Variants in PTPRA observed in about 807,000 individuals in gnomAD.
The protein encoded by PTPRA is receptor-type tyrosine-protein phosphatase alpha.
A neutral mutation model predicts 104.8 loss-of-function variants in PTPRA; 25 were observed. The observed-to-expected ratio is 0.24, with a 90% CI of 0.17 to 0.33. The LOEUF (loss-of-function observed/expected upper bound fraction) is 0.33, where lower values mean the gene tolerates loss of function less well. PTPRA is among the 10% of genes least tolerant of loss of function. The pLI, the probability that PTPRA is intolerant of heterozygous loss-of-function variation, is 1.00. For synonymous variants in PTPRA, 323 were observed against 368.9 expected (o/e 0.88, Z 1.43); for missense variants, 765 against 1,015.3 (o/e 0.75, Z 3.35).
intron 2 of PTPRA, among the ~76,000 whole-genome samples, chr20:2,940,037 G>C (rs998844000): frequency 2.6e-5 from 4 of 152,262 alleles, no homozygotes; most frequent in African/African-American, 9.6e-5. Context: ...TTGAACCCAG[G>C]AGGTGGAGGT....
intron 3 of PTPRA, among the ~76,000 whole-genome samples, chr20:2,960,559 A>C (rs1206488859): frequency 1.3e-5 from 2 of 150,500 alleles, no homozygotes; most frequent in African/African-American, 2.4e-5. Context: ...TTTTTTAAAA[A>C]ACAAGGTCTT....
chr20:2,978,731 C>T (rs1309922978), intron 6 of PTPRA, among the ~76,000 whole-genome samples: 1 of 152,134 alleles, frequency 6.6e-6, no homozygotes, highest in Non-Finnish European at 1.5e-5. Context: ...CGGTTTGTAA[C>T]CATACTGTCT....
chr20:3,004,474 C>G (rs1444395077), intron 9 of PTPRA, among the ~76,000 whole-genome samples: 1 of 152,196 alleles, frequency 6.6e-6, no homozygotes, highest in Admixed American at 6.5e-5. Context: ...TTAATGTCAC[C>G]TCACCCAAAT....
At chr20:2,868,395 C>T in the PTPRA span, among the ~76,000 whole-genome samples, 2 of 143,154 alleles carry the variant, frequency 1.4e-5, no homozygotes, top group Non-Finnish European at 3.0e-5. Context: ...AACTCCTGAG[C>T]TCAAGCAGTC....
chr20:2,954,718 T>A (rs2061475107), intron 3 of PTPRA, among the ~76,000 whole-genome samples: 1 of 152,240 alleles, frequency 6.6e-6, no homozygotes, highest in South Asian at 2.1e-4. Flanking sequence ...CTGCTTAGTC[T>A]GTGTTTTGTT....
intron 20 of PTPRA, among the ~76,000 whole-genome samples, chr20:3,030,676 CTTTT>C (rs1180681994): frequency 2.6e-3 from 175 of 67,682 alleles, no homozygotes; most frequent in African/African-American, 0.011. Flanking sequence ...TCTCCCTCTG[CTTTT>C]TTTTTTTTTT....
At chr20:2,913,663 G>A (rs888165550) in intron 1 of PTPRA, among the ~76,000 whole-genome samples, 3 of 127,216 alleles carry the variant, frequency 2.4e-5, no homozygotes, top group African/African-American at 7.9e-5. Context: ...ATTGTGCTGT[G>A]TTCTTATTTT....
chr20:3,008,733 A>C (rs866746967), intron 11 of PTPRA, among the ~76,000 whole-genome samples: 484 of 120,652 alleles, frequency 4.0e-3, no homozygotes, highest in Middle Eastern at 0.015. Context: ...TCTACTAAAA[A>C]AAAAAAAAAA....
intron 1 of PTPRA, among the ~76,000 whole-genome samples, chr20:2,877,244 GTTTT>G (rs747559479): frequency 6.6e-6 from 1 of 150,612 alleles, no homozygotes; most frequent in Non-Finnish European, 1.5e-5. Context: ...CTGAAGAGAT[GTTTT>G]TTGTTTGTTT....
chr20:2,972,796 C>T (rs561527292), intron 5 of PTPRA, among the ~76,000 whole-genome samples: 3 of 151,922 alleles, frequency 2.0e-5, no homozygotes, highest in Admixed American at 6.6e-5. Context: ...CGGCTCATTG[C>T]GGCCTGCACC....
chr20:2,879,261 G>A (rs1036479850), intron 1 of PTPRA, among the ~76,000 whole-genome samples: 2 of 152,174 alleles, frequency 1.3e-5, no homozygotes, highest in Non-Finnish European at 2.9e-5. Flanking sequence ...GCAGCGCTTC[G>A]CTAACTTGAA....
At chr20:2,924,331 G>C (rs1227515249) in intron 2 of PTPRA, among the ~76,000 whole-genome samples, 4 of 152,228 alleles carry the variant, frequency 2.6e-5, no homozygotes, top group Non-Finnish European at 5.9e-5. Flanking sequence ...GAAGCCAGGA[G>C]GCAGAAGTTG....
rs759565316 is a variant in PTPRA, at chr20:3,022,228, T to C, written c.1328+8T>C. Reference sequence around the variant, plus strand: ...CATCGTGGTCCACTGCAGGTCAGTGTGGCCTGACCCTTGTACCCCCACCCC... The same window carrying C: ...CATCGTGGTCCACTGCAGGTCAGTGCGGCCTGACCCTTGTACCCCCACCCC... On this transcript the variant is annotated splice_region_variant and intron_variant, in intron 15 of 23. Transcript: ENST00000399903. The surrounding 1 kb of genome is among the most constrained non-coding windows in gnomAD (Gnocchi z 4.6). 37 of 1,613,614 alleles carry C rather than the reference T, an allele frequency of 2.3e-5. No individual in the cohort carries two copies. Among genetic ancestry groups the C allele is most frequent in the Admixed American group, 1.0e-4 (6 of 59,970 alleles).
chr20:2,988,246 G>T, intron 8 of PTPRA, 92 bp from the exon 9 acceptor site: 1 of 1,540,286 alleles, frequency 6.5e-7, no homozygotes, highest in Non-Finnish European at 8.8e-7. Flanking sequence ...GTTCTTACAG[G>T]CTTGGTCCAT....
intron 2 of PTPRA, among the ~76,000 whole-genome samples, chr20:2,944,111 G>A (rs548730124): frequency 6.6e-6 from 1 of 150,606 alleles, no homozygotes; most frequent in Admixed American, 6.6e-5. Flanking sequence ...CATGATCTCG[G>A]CTCACTGTAA....
chr20:3,032,490 G>T (rs500809), intron 20 of PTPRA, among the ~76,000 whole-genome samples: 8 of 151,870 alleles, frequency 5.3e-5, no homozygotes, highest in Non-Finnish European at 8.8e-5. Context: ...GCTTTCGGCC[G>T]GGCGCGGTGG....
Position 2,929,056 on chromosome 20 carries a change from C to T in PTPRA, c.-50+5771C>T, listed in dbSNP as rs146650380. ...GTGTTGCCCTGGCTGGTCTCAAACT[C>T]CTGAGCTCAAGTGATCCTTCTGCCT... On this transcript the variant is annotated intron_variant, in intron 2 of 23. Transcript: ENST00000399903. Among the ~76,000 whole-genome samples the T allele has an allele frequency of 4.9e-3, 750 of 152,178 alleles. 5 individuals are homozygous for T. Among genetic ancestry groups the T allele is most frequent in the African/African-American group, 0.017 (719 of 41,526 alleles).
the PTPRA span, among the ~76,000 whole-genome samples, chr20:2,868,347 G>T: frequency 6.8e-6 from 1 of 146,280 alleles, no homozygotes; most frequent in East Asian, 2.0e-4. Flanking sequence ...TAGAGATGGG[G>T]TCTCGGGGGT....
intron 1 of PTPRA, among the ~76,000 whole-genome samples, chr20:2,911,395 T>C (rs146604234): frequency 1.3e-5 from 2 of 152,330 alleles, no homozygotes; most frequent in African/African-American, 4.8e-5. Context: ...ATCCTTTGCA[T>C]TTGTATTCAA....
Sources: allele counts gnomAD v4.1 joint callset (sites outside exome capture counted in the v4.1 genomes callset), GRCh38; gene constraint gnomAD v4.1.1; non-coding constraint Gnocchi (gnomAD v3.1); transcripts MANE v1.5; gene names NCBI Gene and HGNC (gene_info 2026-07-23, HGNC 2026-07-21).